Variants in NHEJ1 observed in about 807,000 individuals in gnomAD.
NHEJ1 encodes non-homologous end-joining factor 1.
In NHEJ1, 22 loss-of-function variants were observed where a neutral mutation model predicts 39.4. That is an observed-to-expected ratio of 0.56 (90% CI 0.40 to 0.80). The LOEUF (loss-of-function observed/expected upper bound fraction) is 0.80. Ranked by LOEUF, NHEJ1 falls within the 30% of genes least tolerant of loss-of-function variation. The pLI is 0.00. For missense variants in NHEJ1, 329 were observed against 357.1 expected, an observed-to-expected ratio of 0.92 and a Z score of 0.63; for synonymous variants, 154 against 135.6, an observed-to-expected ratio of 1.14 and a Z score of -0.94.
At chr2:219,123,388 G>A (rs967697016) in intron 5 of NHEJ1, among the ~76,000 whole-genome samples, 3 of 152,168 alleles carry the variant, frequency 2.0e-5, no homozygotes, top group Admixed American at 6.5e-5. Context: ...GTGAGAGACA[G>A]AAGGAGTCAG....
intron 5 of NHEJ1, among the ~76,000 whole-genome samples, chr2:219,130,389 A>G (rs990594041): frequency 6.6e-6 from 1 of 152,154 alleles, no homozygotes; most frequent in Non-Finnish European, 1.5e-5. Flanking sequence ...AGGTAAGTAC[A>G]GCTAGAACCA....
Position 219,070,018 on chromosome 2 carries a change from C to T in NHEJ1, c.*6363G>A, listed in dbSNP as rs1352513642. ...AGGAATCATTAAACATGCATTAACT[C>T]AAATTATATACTTATTGACTGCACT... On this transcript the variant is annotated 3_prime_UTR_variant, in exon 8 of 8. Transcript: ENST00000356853. Among the ~76,000 whole-genome samples, 1 of 152,158 alleles carries T rather than the reference C, an allele frequency of 6.6e-6. No individual in the cohort carries two copies. The highest frequency in any genetic ancestry group is 1.9e-4 in the East Asian group (1 of 5,200).
intron 3 of NHEJ1, among the ~76,000 whole-genome samples, chr2:219,155,897 C>G (rs1949849716): frequency 6.6e-6 from 1 of 150,864 alleles, no homozygotes; most frequent in Non-Finnish European, 1.5e-5. Flanking sequence ...TGCACTCCAG[C>G]CTGGGCGAGA....
At position 219,073,628 on chromosome 2, in the gene NHEJ1, G is replaced by C. The variant is rs952977757; in HGVS notation, c.*2753C>G. Among the ~76,000 whole-genome samples, 2 of 152,172 alleles carry C rather than the reference G, an allele frequency of 1.3e-5. No individual in the cohort carries two copies. Among genetic ancestry groups the C allele is most frequent in the African/African-American group, 2.4e-5 (1 of 41,434 alleles). On this transcript the variant is annotated 3_prime_UTR_variant, in exon 8 of 8. Transcript: ENST00000356853. ...GTCAAGTTCCTGCAGGAACTTCCTC[G>C]AGGTCCCAAGTCCTGCTCCTGGTTT... is the stretch of plus-strand genomic sequence containing the variant.
intron 5 of NHEJ1, among the ~76,000 whole-genome samples, chr2:219,133,755 C>G (rs1313372009): frequency 6.6e-6 from 1 of 152,170 alleles, no homozygotes; most frequent in African/African-American, 2.4e-5. Flanking sequence ...GATGAAAAGG[C>G]TGCATCTCCT....
chr2:219,133,310 G>A (rs1294244374), intron 5 of NHEJ1, among the ~76,000 whole-genome samples: 1 of 152,234 alleles, frequency 6.6e-6, no homozygotes, highest in African/African-American at 2.4e-5. Context: ...AACAGACCAG[G>A]TAAAACTTAG....
chr2:219,119,644 C>G (rs1211853890), intron 5 of NHEJ1, among the ~76,000 whole-genome samples: 1 of 152,206 alleles, frequency 6.6e-6, no homozygotes, highest in African/African-American at 2.4e-5. Flanking sequence ...GCTGTCCTTT[C>G]ATGACAACTG....
chr2:219,129,671 A>G (rs1443050364), intron 5 of NHEJ1, among the ~76,000 whole-genome samples: 1 of 152,226 alleles, frequency 6.6e-6, no homozygotes, highest in African/African-American at 2.4e-5. Context: ...AGCAAAATAA[A>G]ATTCATAAAG....
intron 4 of NHEJ1, 117 bp downstream of exon 4, chr2:219,147,540 T>C (rs1949752992): frequency 8.0e-7 from 1 of 1,256,594 alleles, no homozygotes. Context: ...CTGGTTAGTA[T>C]TCAGCACCCA....
intron 3 of NHEJ1, among the ~76,000 whole-genome samples, chr2:219,152,351 A>T (rs1949804260): frequency 6.6e-6 from 1 of 152,204 alleles, no homozygotes. Flanking sequence ...CTCAATCTCA[A>T]GATGAATCAA....
intron 5 of NHEJ1, among the ~76,000 whole-genome samples, chr2:219,140,688 G>A (rs901491494): frequency 6.6e-6 from 1 of 152,148 alleles, no homozygotes; most frequent in Non-Finnish European, 1.5e-5. Context: ...CATACGACTG[G>A]AAGTTCAATT....
intron 2 of NHEJ1, 115 bp downstream of exon 2, chr2:219,158,071 C>T: frequency 1.1e-6 from 1 of 942,104 alleles, no homozygotes; most frequent in South Asian, 1.3e-5. Context: ...GGTAGAAGTA[C>T]AGGACATTAA....
At position 219,076,225 on chromosome 2, in the gene NHEJ1, T is replaced by C; in HGVS notation, c.*156A>G. The stretch of plus-strand genomic sequence containing the variant: ...TTGAACAGGGAAGGCCAATTCCCTG[T>C]GGGCCTGTCAACATCAACTTCAGTT... On this transcript the variant is annotated 3_prime_UTR_variant, in exon 8 of 8. Transcript: ENST00000356853. The C allele has an allele frequency of 6.6e-7, 1 of 1,509,750 alleles. No homozygotes were observed. The highest frequency in any genetic ancestry group is 8.9e-7 in the Non-Finnish European group (1 of 1,121,272). 93.5% of individuals were successfully genotyped at this position (1,509,750 alleles called of 1,614,324 possible). A position where few individuals can be genotyped will look rare whatever the true frequency, so the allele number is the denominator to read the frequency against.
intron 3 of NHEJ1, among the ~76,000 whole-genome samples, chr2:219,153,706 G>T (rs142513155): frequency 1.9e-5 from 1 of 52,100 alleles, no homozygotes; most frequent in African/African-American, 4.6e-5. Context: ...GGGGGGGGTG[G>T]AGAGAGAGAG....
rs1256172963 is a variant in NHEJ1, at chr2:219,070,629, G to A, written c.*5752C>T. On this transcript the variant is annotated 3_prime_UTR_variant, in exon 8 of 8. Coordinates refer to ENST00000356853, the MANE Select transcript of NHEJ1 (RefSeq NM_024782.3). ...TGGGATTACAGGCGTAAGCCATGGA[G>A]CCCAGTCTTAAATTTCCCCTTTAGC... Among the ~76,000 whole-genome samples, 1 of 151,888 alleles carries A rather than the reference G, an allele frequency of 6.6e-6. No homozygotes were observed. Among genetic ancestry groups the A allele is most frequent in the Non-Finnish European group, 1.5e-5 (1 of 68,012 alleles).
intron 5 of NHEJ1, among the ~76,000 whole-genome samples, chr2:219,123,379 T>C (rs948267746): frequency 6.6e-6 from 1 of 152,162 alleles, no homozygotes; most frequent in African/African-American, 2.4e-5. Context: ...ACTGATGCAG[T>C]GAGAGACAGA....
At chr2:219,124,475 TCAC>T (rs1255310706) in intron 5 of NHEJ1, 3 of 152,210 alleles carry the variant, frequency 2.0e-5, no homozygotes, top group African/African-American at 2.4e-5. Flanking sequence ...CACTCTCTAC[TCAC>T]CACCACCACC....
chr2:219,101,260 G>A lies in NHEJ1; in HGVS notation c.589-23054C>T, dbSNP rs530122053. Among the ~76,000 whole-genome samples the A allele has an allele frequency of 1.1e-4, 17 of 151,888 alleles. No individual in the cohort carries two copies. In the East Asian group the frequency reaches 2.7e-3, roughly 24 times the overall value. Reference sequence around the variant, plus strand: ...CTCCTGAGTAGCTGGGATTACAGGCGCGTACCACCACATCTAGCTAATTTT... The same window carrying A: ...CTCCTGAGTAGCTGGGATTACAGGCACGTACCACCACATCTAGCTAATTTT... On this transcript the variant is annotated intron_variant, in intron 5 of 7. Transcript: ENST00000356853.
At chr2:219,138,281 C>T (rs1949655994) in intron 5 of NHEJ1, among the ~76,000 whole-genome samples, 1 of 152,162 alleles carries the variant, frequency 6.6e-6, no homozygotes, top group Non-Finnish European at 1.5e-5. Context: ...AAGAGAGGTT[C>T]TGGGATTTCT....
Sources: gnomAD v4.1 joint callset for allele counts (sites outside exome capture counted in the v4.1 genomes callset) on GRCh38, gnomAD v4.1.1 for gene constraint, MANE v1.5 for transcripts, NCBI Gene and HGNC (gene_info 2026-07-23, HGNC 2026-07-21) for gene names.